Variants in PNCK observed in about 807,000 individuals in gnomAD.
PNCK encodes calcium/calmodulin-dependent protein kinase type 1B.
In PNCK, 21 loss-of-function variants were observed where a neutral mutation model predicts 28.3. The ratio of observed to expected loss-of-function variants is 0.74; its 90% CI spans 0.53 to 1.07. PNCK has a LOEUF of 1.07. PNCK is among the 50% of genes least tolerant of loss of function. The probability of loss-of-function intolerance (pLI) is 0.00; values close to 1 mark genes in which losing one functional copy is unlikely to be tolerated. For missense variants in PNCK, 250 were observed against 298.3 expected (o/e 0.84, Z 1.19); for synonymous variants, 136 against 125.2 (o/e 1.09, Z -0.58).
chrX:153,673,836 C>T (rs2091345574), upstream of PNCK: 1 of 752,634 alleles, frequency 1.3e-6, no homozygotes, highest in Admixed American at 8.7e-5. Context: ...AAGCCCCCCG[C>T]CCGCGCCCCG....
intron 1 of PNCK, chrX:153,687,158 G>C (rs1478120693): frequency 2.4e-5 from 4 of 168,312 alleles, no homozygotes; most frequent in Non-Finnish European, 4.5e-5. Flanking sequence ...AGAGGAACAC[G>C]GGGTGGGTGG....
At chrX:153,670,195 C>A in intron 11 of PNCK, 65 bp from the exon 12 acceptor site, 1 of 421,179 alleles carries the variant, frequency 2.4e-6, no homozygotes, top group Non-Finnish European at 4.1e-6. Flanking sequence ...TGTGCCCCCA[C>A]CCCCCGCCTC....
At chrX:153,679,987 G>A (rs1172841534) in intron 1 of PNCK, among the ~76,000 whole-genome samples, 1 of 111,008 alleles carries the variant, frequency 9.0e-6, no homozygotes, top group African/African-American at 3.3e-5. Flanking sequence ...AGGAGTTGGA[G>A]GCTGCAGTGA....
chrX:153,684,581 C>A (rs189497397), intron 1 of PNCK, among the ~76,000 whole-genome samples: 2,167 of 109,881 alleles, frequency 0.02, 32 homozygotes, highest in Non-Finnish European at 0.033. Flanking sequence ...TCTGGCTCCC[C>A]CTTTGTTCCC....
intron 1 of PNCK, among the ~76,000 whole-genome samples, chrX:153,680,246 T>G (rs566768614): frequency 9.3e-6 from 1 of 107,659 alleles, no homozygotes; most frequent in African/African-American, 3.4e-5. Flanking sequence ...TAATGGTACG[T>G]TTTTGGGTCA....
intron 1 of PNCK, among the ~76,000 whole-genome samples, chrX:153,684,691 T>C (rs1429015956): frequency 9.0e-6 from 1 of 111,234 alleles, no homozygotes; most frequent in African/African-American, 3.3e-5. Context: ...GGATAACCAG[T>C]CACCCCAGGG....
intron 3 of PNCK, 67 bp downstream of exon 3, chrX:153,672,499 G>C (rs1266167530): frequency 1.7e-6 from 2 of 1,166,909 alleles, no homozygotes; most frequent in African/African-American, 3.5e-5. Context: ...GCCTGGACTA[G>C]AGCCAAGGAC....
intron 1 of PNCK, among the ~76,000 whole-genome samples, chrX:153,684,204 T>A (rs2091407230): frequency 8.9e-6 from 1 of 112,532 alleles, no homozygotes; most frequent in South Asian, 3.7e-4. Flanking sequence ...TTAGATCAGC[T>A]CTCTCACTGG....
intron 1 of PNCK, among the ~76,000 whole-genome samples, chrX:153,682,289 G>A (rs1468965541): frequency 9.1e-6 from 1 of 109,350 alleles, no homozygotes; most frequent in Non-Finnish European, 1.9e-5. Context: ...GCACCGGCCT[G>A]TTTTGTTTTG....
chrX:153,680,692 A>T (rs1169479078), intron 1 of PNCK, among the ~76,000 whole-genome samples: 3 of 107,939 alleles, frequency 2.8e-5, no homozygotes, highest in African/African-American at 1.0e-4. Context: ...GTGCCACTGC[A>T]CTCCAGCCTG....
intron 1 of PNCK, among the ~76,000 whole-genome samples, chrX:153,683,131 GATTT>G (rs1305308590): frequency 9.8e-5 from 11 of 112,113 alleles, no homozygotes; most frequent in Non-Finnish European, 2.1e-4. Context: ...TGAAGGCTGG[GATTT>G]ATTTATTTAT....
Position 153,670,609 on chromosome X carries a change from G to C in PNCK, c.895-15C>G. The C allele has an allele frequency of 8.3e-7, 1 of 1,207,693 alleles. No homozygotes were observed. Among genetic ancestry groups the C allele is most frequent in the African/African-American group, 1.7e-5 (1 of 57,951 alleles). ...TTGAAGGCTCGCTGCCAGAAGAGAG[G>C]GAGATCAGGCCAGGCCTGGGCCCAG... On this transcript the variant is annotated splice_polypyrimidine_tract_variant and intron_variant, in intron 10 of 11. Coordinates refer to ENST00000340888, the MANE Select transcript of PNCK (RefSeq NM_001366977.1).
intron 1 of PNCK, among the ~76,000 whole-genome samples, chrX:153,680,191 C>G (rs1409597557): frequency 9.1e-6 from 1 of 109,552 alleles, no homozygotes; most frequent in Non-Finnish European, 1.9e-5. Flanking sequence ...CTGTCCCCTC[C>G]AAATCTCATG....
At position 153,669,900 on chromosome X, in the gene PNCK, G is replaced by T. The variant is rs781923868; in HGVS notation, c.*238C>A. 1.2e-3 allele frequency: 422 copies of T among 340,357 alleles called. 1 individual carries two copies. Among genetic ancestry groups the T allele is most frequent in the Non-Finnish European group, 1.8e-3 (305 of 169,639 alleles). The allele number at this position is 340,357 out of a possible 1,213,427, so 28.0% of individuals were successfully genotyped here. The stretch of plus-strand genomic sequence containing the variant: ...ACCCCCTCGGCTTTTGGCGGGGCGG[G>T]GGGGGCAGGGGCGGGAGAGGCAACA... On this transcript the variant is annotated 3_prime_UTR_variant, in exon 12 of 12. Transcript: ENST00000340888.
Position 153,672,200 on chromosome X carries a change from C to G in PNCK, c.201G>C (p.Arg67Ser). ...GAGCGACGATGTTGGGGTGACTGAT[C>G]CTGCAATGGCAAGGAAGCGCCTGTG... is the stretch of plus-strand genomic sequence containing the variant. The part of the protein sequence containing the change: ...LVENEIAVLR[R>S]ISHPNIVALE... The change falls in exon 4 of 12, where the codon AGG (arginine) becomes AGC (serine). Residue 67 changes from arginine to serine, a missense_variant and splice_region_variant. Arg to Ser is a moderately radical substitution (Grantham distance 110, BLOSUM62 -1). Transcript: ENST00000340888. 8.3e-7 allele frequency: 1 copy of G among 1,201,642 alleles called. No individual in the cohort carries two copies. The highest frequency in any genetic ancestry group is 1.1e-6 in the Non-Finnish European group (1 of 890,457).
Position 153,670,516 on chromosome X carries a change from G to C in PNCK, c.973C>G (p.Gln325Glu). 1.7e-6 allele frequency: 2 copies of C among 1,209,870 alleles called. No homozygotes were observed. Among genetic ancestry groups the C allele is most frequent in the Non-Finnish European group, 2.2e-6 (2 of 894,903 alleles). ...QIPEGEGASE[Q>E]GMARHSHSGL... ...GAGTGGCTGTGGCGGGCCATGCCCT[G>C]CTCAGAGGCCCCCTCGCCCTCTGGG... The change falls in exon 11 of 12, where the codon CAG becomes GAG. Residue 325 changes from glutamine (Q) to glutamate (E), a missense_variant. By Grantham distance (29) the Gln-to-Glu change is conservative (BLOSUM62 2). Transcript: ENST00000340888.
chrX:153,681,318 C>T (rs2091394834), intron 1 of PNCK, among the ~76,000 whole-genome samples: 1 of 111,503 alleles, frequency 9.0e-6, no homozygotes, highest in South Asian at 3.8e-4. Flanking sequence ...GCTTCCTTCC[C>T]AAGAGCACGG....
chrX:153,670,349 T>C (rs2091277817), intron 11 of PNCK, 101 bp downstream of exon 11: 1 of 1,112,369 alleles, frequency 9.0e-7, no homozygotes, highest in African/African-American at 1.8e-5. Context: ...CTCTGGCCTG[T>C]GGGGGCCACC....
chrX:153,677,201 G>T (rs1490920206), upstream of PNCK, among the ~76,000 whole-genome samples: 2 of 111,844 alleles, frequency 1.8e-5, no homozygotes, highest in Non-Finnish European at 1.9e-5. Context: ...GCCTCCCAAA[G>T]TGCTGGGATT....
Sources: allele counts gnomAD v4.1 joint callset (sites outside exome capture counted in the v4.1 genomes callset), GRCh38; gene constraint gnomAD v4.1.1; transcripts MANE v1.5; gene names NCBI Gene and HGNC (gene_info 2026-07-23, HGNC 2026-07-21).